CCL25: variants seen among roughly 807,000 people sequenced by gnomAD.
CCL25 encodes C-C motif chemokine 25.
A neutral mutation model predicts 19.9 loss-of-function variants in CCL25; 14 were observed. That is an observed-to-expected ratio of 0.70 (90% CI 0.47 to 1.10). The LOEUF is 1.10. Among genes scored for constraint, CCL25 ranks in the 50% least tolerant of loss-of-function variants. The probability of loss-of-function intolerance (pLI) is 0.00; values close to 1 mark genes in which losing one functional copy is unlikely to be tolerated. For missense variants in CCL25, 151 were observed against 181.2 expected (o/e 0.83, Z 0.96); for synonymous variants, 68 against 73.2 (o/e 0.93, Z 0.36).
intron 5 of CCL25, among the ~76,000 whole-genome samples, chr19:8,061,256 T>G (rs530517884): frequency 4.6e-5 from 7 of 152,264 alleles, no homozygotes; most frequent in African/African-American, 1.7e-4. Flanking sequence ...TCCAAAGTGC[T>G]GGGATTACAG....
chr19:8,056,295 G>T (rs1157895195), intron 3 of CCL25, 26 bp downstream of exon 3: 2 of 1,448,584 alleles, frequency 1.4e-6, no homozygotes, highest in Non-Finnish European at 1.9e-6. Flanking sequence ...GGGGCTGGGG[G>T]GGTGGGGTGC....
intron 2 of CCL25, among the ~76,000 whole-genome samples, chr19:8,055,502 A>AT (rs2081264244): frequency 6.6e-6 from 1 of 151,094 alleles, no homozygotes; most frequent in Non-Finnish European, 1.5e-5. Context: ...CACCCGGCTA[A>AT]TTTTTATATT....
At position 8,058,490 on chromosome 19, in the gene CCL25, AATAT is replaced by A. The variant is rs1330191774; in HGVS notation, c.445+576_445+579del. ...GTAAATATATAATATATAAATATATAATATATATAAGTAAATATATTATATATAA... is the reference window on the plus strand; with the variant it reads ...GTAAATATATAATATATAAATATATAATATAAGTAAATATATTATATATAA... On this transcript the variant is annotated intron_variant, in intron 5 of 5. Coordinates refer to ENST00000315626, the MANE Select transcript of CCL25 (RefSeq NM_005624.4). Among the ~76,000 whole-genome samples, 8 of 106,784 alleles carry A rather than the reference AATAT, an allele frequency of 7.5e-5. 1 individual carries two copies. In the South Asian group the frequency reaches 1.9e-3, roughly 26 times the overall value. 70.1% of individuals were successfully genotyped at this position (106,784 alleles called of 152,430 possible).
rs1289328863 is a variant in CCL25 at position 8,062,414 on chromosome 19, T to C, written c.*189T>C. The C allele has an allele frequency of 4.9e-6, 3 of 615,880 alleles. No individual in the cohort carries two copies. Among genetic ancestry groups the C allele is most frequent in the Non-Finnish European group, 8.6e-6 (3 of 349,264 alleles). The allele number at this position is 615,880 out of a possible 1,614,324, so 38.2% of individuals were successfully genotyped here. On this transcript the variant is annotated 3_prime_UTR_variant, in exon 6 of 6. Coordinates refer to ENST00000315626, the MANE Select transcript of CCL25 (RefSeq NM_005624.4). ...CCGTCTGGCAACTGGAAAGAGGGAG[T>C]TGGCCTGATTTTAAGCCTTTTGCCG...
At chr19:8,061,198 A>C (rs1031040874) in intron 5 of CCL25, among the ~76,000 whole-genome samples, 1 of 151,702 alleles carries the variant, frequency 6.6e-6, no homozygotes, top group Admixed American at 6.6e-5. Flanking sequence ...CATGTTGGGC[A>C]GGCTGGTCTT....
chr19:8,062,354 G>T lies in CCL25; in HGVS notation c.*129G>T. The T allele has an allele frequency of 2.0e-6, 2 of 1,007,432 alleles. No individual in the cohort carries two copies. Among genetic ancestry groups the T allele is most frequent in the Non-Finnish European group, 3.1e-6 (2 of 649,040 alleles). The allele number at this position is 1,007,432 out of a possible 1,614,324, so 62.4% of individuals were successfully genotyped here. ...GTCAAGTCTTAATCCCTGCACCTGAGTTGGTCCTCCCTCTGCACCCCCACC... is the reference window on the plus strand; with the variant it reads ...GTCAAGTCTTAATCCCTGCACCTGATTTGGTCCTCCCTCTGCACCCCCACC... On this transcript the variant is annotated 3_prime_UTR_variant, in exon 6 of 6. Transcript: ENST00000315626.
intron 2 of CCL25, among the ~76,000 whole-genome samples, chr19:8,055,384 G>A (rs1055534292): frequency 2.7e-5 from 4 of 148,524 alleles, no homozygotes; most frequent in African/African-American, 7.5e-5. Flanking sequence ...CGCCCAGGCT[G>A]GAGTGCAGTG....
At chr19:8,056,949 C>T (rs973423130) in intron 4 of CCL25, among the ~76,000 whole-genome samples, 2 of 152,154 alleles carry the variant, frequency 1.3e-5, no homozygotes, top group African/African-American at 2.4e-5. Flanking sequence ...CTCAAGCAAT[C>T]CTCCTACCTC....
At chr19:8,058,043 G>A (rs2303166) in intron 5 of CCL25, 123 bp downstream of exon 5, 193,450 of 1,450,022 alleles carry the variant, frequency 0.13, 13,892 homozygotes, top group African/African-American at 0.23. Flanking sequence ...GTGGTTGTGC[G>A]GTCAGTGCCG....
upstream of CCL25, among the ~76,000 whole-genome samples, chr19:8,052,474 G>A (rs892285761): frequency 3.3e-5 from 5 of 152,040 alleles, no homozygotes; most frequent in African/African-American, 1.2e-4. Context: ...GCTCAAGGCA[G>A]TCTGAGCCTT....
intron 2 of CCL25, among the ~76,000 whole-genome samples, chr19:8,055,942 T>A (rs2081267945): frequency 6.6e-6 from 1 of 152,036 alleles, no homozygotes; most frequent in South Asian, 2.1e-4. Context: ...GACCCAAGGG[T>A]CCTCTCCAAC....
chr19:8,059,166 T>C (rs2081300974), intron 5 of CCL25, among the ~76,000 whole-genome samples: 1 of 104,806 alleles, frequency 9.5e-6, no homozygotes, highest in Non-Finnish European at 1.9e-5. Flanking sequence ...ATATAATATA[T>C]AATATATATA....
At chr19:8,060,982 A>ATTTTTTTTT (rs68112327) in intron 5 of CCL25, among the ~76,000 whole-genome samples, 2 of 95,166 alleles carry the variant, frequency 2.1e-5, no homozygotes, top group African/African-American at 4.2e-5. Flanking sequence ...GCCCGGCCTA[A>ATTTTTTTTT]TTTTTTTTTT....
chr19:8,061,832 A>C (rs2336092), intron 5 of CCL25, among the ~76,000 whole-genome samples: 104,404 of 151,776 alleles, frequency 0.69, 36,271 homozygotes, highest in Middle Eastern at 0.82. Flanking sequence ...TCTCTAAAAT[A>C]CAAAATTAGC....
Position 8,062,306 on chromosome 19 carries a change from G to A in CCL25, c.*81G>A. 6.7e-7 allele frequency: 1 copy of A among 1,492,340 alleles called. No homozygotes were observed. Among genetic ancestry groups the A allele is most frequent in the Non-Finnish European group, 9.3e-7 (1 of 1,070,968 alleles). 92.4% of individuals were successfully genotyped at this position (1,492,340 alleles called of 1,614,324 possible). A position where few individuals can be genotyped will look rare whatever the true frequency, so the allele number is the denominator to read the frequency against. ...AAACCGTCGCCCTACAGACCCAGCT[G>A]TCCCCACGCCTCTGTCTTTTGGGTC... On this transcript the variant is annotated 3_prime_UTR_variant, in exon 6 of 6. Coordinates refer to ENST00000315626, the MANE Select transcript of CCL25 (RefSeq NM_005624.4).
intron 4 of CCL25, among the ~76,000 whole-genome samples, chr19:8,057,338 T>TATTA (rs2081280205): frequency 6.7e-6 from 1 of 150,364 alleles, no homozygotes; most frequent in Admixed American, 6.7e-5. Context: ...TTATTATTAT[T>TATTA]ATTATTTTGA....
In CCL25 at chr19:8,056,371, A is replaced by T. The variant is rs763101242; in HGVS notation, c.197A>T (p.Tyr66Phe). ...CCCCCCTCTGCTCACCACAGATTCT[A>T]CCTCCCCAAGAGACACAGGAAGGTG... is the stretch of plus-strand genomic sequence containing the variant. The part of the protein sequence containing the change: ...GSCNLPAAIF[Y>F]LPKRHRKVCG... Residue 66 changes from tyrosine (Y) to phenylalanine (F), a missense_variant, in exon 4 of 6, where the codon TAC (tyrosine) becomes TTC (phenylalanine). Coordinates refer to ENST00000315626, the MANE Select transcript of CCL25 (RefSeq NM_005624.4). 3 of 1,612,914 alleles carry T rather than the reference A, an allele frequency of 1.9e-6. No homozygotes were observed. The South Asian group carries it at 3.3e-5, about 18-fold the overall frequency.
At chr19:8,058,014 C>T in intron 5 of CCL25, 94 bp downstream of exon 5, 2 of 1,518,894 alleles carry the variant, frequency 1.3e-6, no homozygotes, top group Non-Finnish European at 1.8e-6. Context: ...AGGAGATTCA[C>T]CTCCAGGACC....
At chr19:8,060,296 A>G (rs1365573013) in intron 5 of CCL25, among the ~76,000 whole-genome samples, 1 of 152,046 alleles carries the variant, frequency 6.6e-6, no homozygotes, top group Non-Finnish European at 1.5e-5. Flanking sequence ...AGCTATGATC[A>G]TACCATTGGA....
Sources: gnomAD v4.1 joint callset for allele counts (sites outside exome capture counted in the v4.1 genomes callset) on GRCh38, gnomAD v4.1.1 for gene constraint, MANE v1.5 for transcripts, NCBI Gene and HGNC (gene_info 2026-07-23, HGNC 2026-07-21) for gene names.